The following CACNA2D3 variants were observed in gnomAD, a reference collection of about 807,000 sequenced individuals.
The protein encoded by CACNA2D3 is calcium voltage-gated channel auxiliary subunit alpha2delta 3, also known as voltage-dependent calcium channel subunit alpha-2/delta-3.
In CACNA2D3, 60 loss-of-function variants were observed where a neutral mutation model predicts 160.6. That is an observed-to-expected ratio of 0.37 (90% CI 0.30 to 0.46). The LOEUF (loss-of-function observed/expected upper bound fraction) is 0.46, where lower values mean the gene tolerates loss of function less well. Among genes scored for constraint, CACNA2D3 ranks in the 20% least tolerant of loss-of-function variants. CACNA2D3 has a pLI of 1.00. For synonymous variants in CACNA2D3, 558 were observed against 492.9 expected, an observed-to-expected ratio of 1.13 and a Z score of -1.75; for missense variants, 1,205 against 1,365.0, an observed-to-expected ratio of 0.88 and a Z score of 1.85.
At chr3:54,937,125 A>T (rs184314231) in intron 27 of CACNA2D3, among the ~76,000 whole-genome samples, 1 of 152,236 alleles carries the variant, frequency 6.6e-6, no homozygotes, top group East Asian at 1.9e-4. Context: ...GAAGGTGAAG[A>T]CACCCTTACT....
intron 9 of CACNA2D3, chr3:54,626,401 A>T: frequency 6.3e-7 from 1 of 1,575,642 alleles, no homozygotes; most frequent in South Asian, 1.2e-5. Context: ...GCGCAAGGCC[A>T]AGAAGGAGGC....
rs568544805 is a variant in CACNA2D3 at position 55,018,717 on chromosome 3, G to A, written c.2987+400G>A. Among the ~76,000 whole-genome samples the A allele has an allele frequency of 4.1e-4, 63 of 152,042 alleles. No homozygotes were observed. In the South Asian group the frequency reaches 0.013, roughly 31 times the overall value. On this transcript the variant is annotated intron_variant, in intron 35 of 37. Coordinates refer to ENST00000474759, the MANE Select transcript of CACNA2D3 (RefSeq NM_018398.3). ...TGATAAATTGGAAATGTTTCTTGGT[G>A]GTTGAGTATGCATTTCCCTGACTGC...
chr3:54,656,197 A>G (rs1260292350), intron 11 of CACNA2D3, among the ~76,000 whole-genome samples: 2 of 152,218 alleles, frequency 1.3e-5, no homozygotes, highest in Non-Finnish European at 2.9e-5. Context: ...CAGACTTGGC[A>G]TGGTAGATTT....
At chr3:54,983,633 A>C (rs575630445) in intron 29 of CACNA2D3, among the ~76,000 whole-genome samples, 12 of 152,318 alleles carry the variant, frequency 7.9e-5, no homozygotes, top group African/African-American at 2.9e-4. Context: ...ACTGTCTAGT[A>C]ATAAAGGACG....
At chr3:54,197,643 A>G (rs1701105574) in intron 2 of CACNA2D3, 2 of 152,188 alleles carry the variant, frequency 1.3e-5, no homozygotes, top group East Asian at 1.9e-4. Context: ...ACAGCCAGTC[A>G]TCATAATATC....
intron 5 of CACNA2D3, among the ~76,000 whole-genome samples, chr3:54,544,980 A>C (rs1258692654): frequency 6.6e-6 from 1 of 152,222 alleles, no homozygotes; most frequent in Non-Finnish European, 1.5e-5. Flanking sequence ...AGCTGCATAG[A>C]TAGCATGTCT....
intron 2 of CACNA2D3, among the ~76,000 whole-genome samples, chr3:54,216,151 G>GTGTGTA (rs755293167): frequency 2.0e-5 from 3 of 151,858 alleles, no homozygotes; most frequent in Non-Finnish European, 2.9e-5. Context: ...GTGTGTGTGT[G>GTGTGTA]TGTATGGTGG....
At chr3:54,309,661 C>T (rs1368332427) in intron 2 of CACNA2D3, among the ~76,000 whole-genome samples, 2 of 152,142 alleles carry the variant, frequency 1.3e-5, no homozygotes, top group African/African-American at 4.8e-5. Context: ...CCTGATCATT[C>T]TGACAGTGCT....
At chr3:54,177,931 T>C (rs558775423) in intron 2 of CACNA2D3, 2 of 152,304 alleles carry the variant, frequency 1.3e-5, no homozygotes, top group South Asian at 4.1e-4. Context: ...GATTACCTTA[T>C]TCAAAAATAT....
intron 17 of CACNA2D3, among the ~76,000 whole-genome samples, chr3:54,852,496 C>CG (rs1699080452): frequency 6.6e-6 from 1 of 152,188 alleles, no homozygotes; most frequent in Admixed American, 6.5e-5. Flanking sequence ...CGCACCTCCG[C>CG]TGGAATTTAA....
intron 2 of CACNA2D3, among the ~76,000 whole-genome samples, chr3:54,218,386 C>T (rs1056457194): frequency 1.3e-5 from 2 of 152,156 alleles, no homozygotes; most frequent in Non-Finnish European, 2.9e-5. Context: ...CTAGTTTTCT[C>T]AGACAAGCCT....
chr3:55,049,338 T>A (rs910766561), intron 35 of CACNA2D3, among the ~76,000 whole-genome samples: 3 of 144,560 alleles, frequency 2.1e-5, no homozygotes, highest in African/African-American at 8.1e-5. Context: ...ACATCTTTAT[T>A]TCTGCCTTCA....
At chr3:54,829,392 C>T (rs1171883129) in intron 14 of CACNA2D3, among the ~76,000 whole-genome samples, 1 of 152,004 alleles carries the variant, frequency 6.6e-6, no homozygotes, top group African/African-American at 2.4e-5. Flanking sequence ...GGGGGTGGTG[C>T]AAGTAGTTGG....
At chr3:54,947,090 C>A (rs1247286385) in intron 27 of CACNA2D3, among the ~76,000 whole-genome samples, 1 of 152,136 alleles carries the variant, frequency 6.6e-6, no homozygotes, top group Non-Finnish European at 1.5e-5. Context: ...TACTATAATA[C>A]CAAAACTAAC....
chr3:54,213,607 T>G (rs1310729159), intron 2 of CACNA2D3, among the ~76,000 whole-genome samples: 1 of 152,230 alleles, frequency 6.6e-6, no homozygotes, highest in Non-Finnish European at 1.5e-5. Flanking sequence ...AATTAAGGAA[T>G]TCCTTGTGGC....
At chr3:54,472,177 T>G (rs576194740) in intron 4 of CACNA2D3, among the ~76,000 whole-genome samples, 1 of 152,092 alleles carries the variant, frequency 6.6e-6, no homozygotes, top group African/African-American at 2.4e-5. Flanking sequence ...AATCCAGCAG[T>G]ACATCAAAAA....
chr3:54,132,041 G>C (rs977519203), intron 2 of CACNA2D3, among the ~76,000 whole-genome samples: 1 of 152,178 alleles, frequency 6.6e-6, no homozygotes, highest in South Asian at 2.1e-4. Flanking sequence ...CTACAGTCGC[G>C]AGTCATAACA....
At chr3:54,787,283 C>A (rs549721459) in intron 13 of CACNA2D3, among the ~76,000 whole-genome samples, 2 of 152,174 alleles carry the variant, frequency 1.3e-5, no homozygotes, top group African/African-American at 4.8e-5. Context: ...AGTTGAAATT[C>A]ATTGCTTCAT....
chr3:54,336,941 G>A (rs1559453724), intron 3 of CACNA2D3, among the ~76,000 whole-genome samples: 1 of 152,208 alleles, frequency 6.6e-6, no homozygotes, highest in African/African-American at 2.4e-5. Flanking sequence ...GTGCAAGTGG[G>A]GGAGGGAATA....
Sources: gnomAD v4.1 joint callset for allele counts (sites outside exome capture counted in the v4.1 genomes callset) on GRCh38, gnomAD v4.1.1 for gene constraint, MANE v1.5 for transcripts, NCBI Gene and HGNC (gene_info 2026-07-23, HGNC 2026-07-21) for gene names.